PTPRD: variants seen among roughly 807,000 people sequenced by gnomAD.
PTPRD encodes receptor-type tyrosine-protein phosphatase delta.
In PTPRD, 34 loss-of-function variants were observed where a neutral mutation model predicts 214.5. The ratio of observed to expected loss-of-function variants is 0.16; its 90% confidence interval spans 0.12 to 0.21. The LOEUF is 0.21. Ranked by LOEUF, PTPRD falls within the 10% of genes least tolerant of loss-of-function variation. The pLI, the probability that PTPRD is intolerant of heterozygous loss-of-function variation, is 1.00. For synonymous variants in PTPRD, 1,128 were observed against 845.7 expected, an observed-to-expected ratio of 1.33 and a Z score of -5.79; for missense variants, 2,545 against 2,398.7, an observed-to-expected ratio of 1.06 and a Z score of -1.27.
At chr9:9,769,312 A>C (rs2098732514) in intron 5 of PTPRD, among the ~76,000 whole-genome samples, 2 of 135,250 alleles carry the variant, frequency 1.5e-5, no homozygotes, top group African/African-American at 5.5e-5. Context: ...TTTTAACCAG[A>C]AGCCCTTTTT....
At chr9:10,176,663 A>G (rs1280727713) in intron 3 of PTPRD, among the ~76,000 whole-genome samples, 2 of 151,970 alleles carry the variant, frequency 1.3e-5, no homozygotes, top group Non-Finnish European at 2.9e-5. Context: ...GGGGCCTAGG[A>G]AGTGAACTAC....
At chr9:10,185,889 G>C (rs2099328262) in intron 3 of PTPRD, among the ~76,000 whole-genome samples, 1 of 152,124 alleles carries the variant, frequency 6.6e-6, no homozygotes, top group African/African-American at 2.4e-5. Context: ...TTGTGGAGAG[G>C]GCAAGTGTTT....
chr9:9,574,997 T>A (rs1426616918), intron 7 of PTPRD, among the ~76,000 whole-genome samples: 1 of 152,180 alleles, frequency 6.6e-6, no homozygotes, highest in Non-Finnish European at 1.5e-5. Context: ...GGCTCTTTAA[T>A]GCAGTGATGA....
At chr9:9,063,125 G>C (rs1352266510) in intron 10 of PTPRD, among the ~76,000 whole-genome samples, 1 of 152,076 alleles carries the variant, frequency 6.6e-6, no homozygotes, top group Non-Finnish European at 1.5e-5. Context: ...TGGGAGTCAA[G>C]AGATCCCAAC....
intron 4 of PTPRD, among the ~76,000 whole-genome samples, chr9:9,983,364 T>C (rs1209172787): frequency 6.6e-6 from 1 of 152,196 alleles, no homozygotes; most frequent in Non-Finnish European, 1.5e-5. Context: ...ATCTCTAAAC[T>C]ATGGAATAAA....
chr9:9,972,839 CT>C (rs1310533511), intron 4 of PTPRD, among the ~76,000 whole-genome samples: 1 of 152,104 alleles, frequency 6.6e-6, no homozygotes, highest in East Asian at 1.9e-4. Context: ...GCCTCTGCCT[CT>C]TTCTTATAAG....
chr9:10,222,613 T>G (rs890264988), intron 3 of PTPRD, among the ~76,000 whole-genome samples: 1 of 152,090 alleles, frequency 6.6e-6, no homozygotes, highest in Non-Finnish European at 1.5e-5. Flanking sequence ...ATAAATATCC[T>G]TAACTTGTTC....
intron 8 of PTPRD, among the ~76,000 whole-genome samples, chr9:9,494,655 T>C (rs1383908217): frequency 6.6e-6 from 1 of 152,142 alleles, no homozygotes; most frequent in Non-Finnish European, 1.5e-5. Context: ...TGAAATATTG[T>C]TGAGAGAAGT....
chr9:8,587,333 T>C (rs1017769494), intron 14 of PTPRD, among the ~76,000 whole-genome samples: 3 of 152,228 alleles, frequency 2.0e-5, no homozygotes, highest in Admixed American at 1.3e-4. Context: ...AGATTTTATA[T>C]TTTAATAATT....
intron 10 of PTPRD, among the ~76,000 whole-genome samples, chr9:9,171,616 G>A (rs1301563301): frequency 6.6e-6 from 1 of 151,878 alleles, no homozygotes; most frequent in Non-Finnish European, 1.5e-5. Context: ...TATGTTGATA[G>A]GAATTAGAAT....
intron 7 of PTPRD, among the ~76,000 whole-genome samples, chr9:9,578,352 T>C (rs1240678296): frequency 6.6e-6 from 1 of 152,096 alleles, no homozygotes; most frequent in Admixed American, 6.6e-5. Context: ...AATGGATTTA[T>C]TGGATCTATG....
intron 11 of PTPRD, among the ~76,000 whole-genome samples, chr9:8,751,421 A>AAAAG (rs778190977): frequency 3.1e-4 from 7 of 22,910 alleles, no homozygotes; most frequent in African/African-American, 5.3e-4. Flanking sequence ...AAAAGAAAAG[A>AAAAG]AAAAAAAATA....
At chr9:8,732,900 C>T (rs752574455) in intron 12 of PTPRD, among the ~76,000 whole-genome samples, 2 of 152,128 alleles carry the variant, frequency 1.3e-5, no homozygotes, top group Admixed American at 6.6e-5. Flanking sequence ...TTAATGACTG[C>T]AGATGTCACA....
chr9:9,592,142 C>T (rs630148), intron 7 of PTPRD, among the ~76,000 whole-genome samples: 56,981 of 151,870 alleles, frequency 0.38, 11,082 homozygotes, highest in Non-Finnish European at 0.4. Flanking sequence ...ATAACACTTG[C>T]TATGAAATAA....
intron 10 of PTPRD, among the ~76,000 whole-genome samples, chr9:9,166,653 G>T (rs1015869741): frequency 6.6e-6 from 1 of 152,112 alleles, no homozygotes; most frequent in Non-Finnish European, 1.5e-5. Context: ...CTTAGGCTTA[G>T]CTCAGATATT....
chr9:10,036,114 A>G (rs915301720), intron 3 of PTPRD, among the ~76,000 whole-genome samples: 1 of 152,182 alleles, frequency 6.6e-6, no homozygotes, highest in Middle Eastern at 3.2e-3. Flanking sequence ...CATATCTTCC[A>G]AATAAACGCA....
intron 35 of PTPRD, among the ~76,000 whole-genome samples, chr9:8,435,984 T>C (rs2095330471): frequency 6.6e-6 from 1 of 152,256 alleles, no homozygotes; most frequent in Non-Finnish European, 1.5e-5. Context: ...AGAAATGTAC[T>C]TAATCTTCGT....
intron 3 of PTPRD, among the ~76,000 whole-genome samples, chr9:10,148,661 A>T (rs1317381764): frequency 1.3e-5 from 2 of 152,198 alleles, no homozygotes; most frequent in African/African-American, 4.8e-5. Flanking sequence ...GTTGCAAAAC[A>T]TACATTGGAC....
rs2098958883 is a variant in PTPRD, at chr9:8,932,387, T to C, written c.-104+86310A>G. 2.6e-5 allele frequency among the ~76,000 whole-genome samples: 4 copies of C among 152,306 alleles called. No individual in the cohort carries two copies. In the South Asian group the frequency reaches 6.2e-4, roughly 24 times the overall value. On this transcript the variant is annotated intron_variant, in intron 11 of 45. Transcript: ENST00000381196. ...TTGTTCTCATTGGTTTCAAACAATA[T>C]CTTTGTTTCTGCCTTCATTTCATTA... is the stretch of plus-strand genomic sequence containing the variant.
Sources: allele counts gnomAD v4.1 joint callset (sites outside exome capture counted in the v4.1 genomes callset), GRCh38; gene constraint gnomAD v4.1.1; transcripts MANE v1.5; gene names NCBI Gene and HGNC (gene_info 2026-07-23, HGNC 2026-07-21).